The following KCNH7 variants were observed in gnomAD, a reference collection of about 807,000 sequenced individuals.
KCNH7 encodes the protein voltage-gated inwardly rectifying potassium channel KCNH7.
In KCNH7, 49 loss-of-function variants were observed where a neutral mutation model predicts 120.8. The observed-to-expected ratio is 0.41, with a 90% CI of 0.32 to 0.51. The LOEUF is 0.51. Among genes scored for constraint, KCNH7 ranks in the 20% least tolerant of loss-of-function variants. The pLI, the probability that KCNH7 is intolerant of heterozygous loss-of-function variation, is 0.38. For synonymous variants in KCNH7, 547 were observed against 516.1 expected (o/e 1.06, Z -0.81); for missense variants, 1,097 against 1,446.6 (o/e 0.76, Z 3.92).
In KCNH7 at chr2:162,423,459, G is replaced by A. The variant is rs752309565; in HGVS notation, c.2031C>T (p.His677=). ...ACTCTTTTACTCGCAGCATCTGCAT[G>A]TGGTACCTGGCAGTTCCCGAGTATA... is the stretch of plus-strand genomic sequence containing the variant. ...QRLYSGTARY[H]MQMLRVKEFI... The change falls in exon 9 of 16, where the codon CAC becomes CAT. Residue 677 remains histidine (H), a synonymous_variant. Coordinates refer to ENST00000332142, the MANE Select transcript of KCNH7 (RefSeq NM_033272.4). The A allele has an allele frequency of 2.5e-6, 4 of 1,613,964 alleles. No individual in the cohort carries two copies. Among genetic ancestry groups the A allele is most frequent in the East Asian group, 2.2e-5 (1 of 44,888 alleles).
chr2:162,829,847 C>CTT (rs1271827396), intron 2 of KCNH7, among the ~76,000 whole-genome samples: 1 of 109,336 alleles, frequency 9.1e-6, no homozygotes. Context: ...TTAACTTTAT[C>CTT]TGTTTTTTTT....
chr2:162,591,972 T>C (rs778189583), intron 2 of KCNH7, among the ~76,000 whole-genome samples: 10 of 152,278 alleles, frequency 6.6e-5, no homozygotes, highest in Middle Eastern at 3.4e-3. Context: ...AGACTTTAAA[T>C]GTTGAAGTAA....
intron 2 of KCNH7, among the ~76,000 whole-genome samples, chr2:162,615,435 G>A (rs1336825079): frequency 6.6e-6 from 1 of 152,122 alleles, no homozygotes; most frequent in Non-Finnish European, 1.5e-5. Context: ...TTGGTCAAGG[G>A]ATTCAATTAA....
chr2:162,619,134 T>G (rs1429886797), intron 2 of KCNH7, among the ~76,000 whole-genome samples: 1 of 152,054 alleles, frequency 6.6e-6, no homozygotes, highest in East Asian at 1.9e-4. Context: ...CAATTGTGTG[T>G]CAGAGCTGTG....
chr2:162,642,616 T>C (rs1367491267), intron 2 of KCNH7, among the ~76,000 whole-genome samples: 2 of 152,238 alleles, frequency 1.3e-5, no homozygotes, highest in African/African-American at 4.8e-5. Flanking sequence ...GGACCATTTC[T>C]GCTGTTATAG....
chr2:162,617,935 T>C (rs1019229169), intron 2 of KCNH7, among the ~76,000 whole-genome samples: 3 of 152,208 alleles, frequency 2.0e-5, no homozygotes, highest in South Asian at 2.1e-4. Flanking sequence ...TGAATACTTA[T>C]GATTTTGGGG....
chr2:162,471,247 TA>T (rs79162616), intron 6 of KCNH7, among the ~76,000 whole-genome samples: 23,428 of 131,944 alleles, frequency 0.18, 2,434 homozygotes, highest in African/African-American at 0.33. Context: ...ATCAATAAAT[TA>T]AAAAAAAAAA....
intron 14 of KCNH7, among the ~76,000 whole-genome samples, chr2:162,377,663 G>A (rs1404728023): frequency 6.6e-6 from 1 of 152,074 alleles, no homozygotes; most frequent in African/African-American, 2.4e-5. Context: ...CTTTGTGATA[G>A]TTTTTGTTAT....
At chr2:162,791,424 T>A (rs1426217746) in intron 2 of KCNH7, among the ~76,000 whole-genome samples, 1 of 152,142 alleles carries the variant, frequency 6.6e-6, no homozygotes, top group Non-Finnish European at 1.5e-5. Context: ...GAGCACAAAA[T>A]GTTTTTCTAT....
chr2:162,573,435 T>C (rs1693563953), intron 2 of KCNH7, among the ~76,000 whole-genome samples: 1 of 151,980 alleles, frequency 6.6e-6, no homozygotes, highest in Non-Finnish European at 1.5e-5. Context: ...AATAGCATAA[T>C]TAAAATAAAC....
rs191706641 is a variant in KCNH7, at chr2:162,755,374, A to G, written c.307+81163T>C. ...GTAATCCTAGCTACTTGGGAGGCTGAGGCAGGAAAATCACTTGAACCCAGG... is the reference window on the plus strand; with the variant it reads ...GTAATCCTAGCTACTTGGGAGGCTGGGGCAGGAAAATCACTTGAACCCAGG... On this transcript the variant is annotated intron_variant, in intron 2 of 15. Transcript: ENST00000332142. Among the ~76,000 whole-genome samples, 19 of 152,246 alleles carry G rather than the reference A, an allele frequency of 1.2e-4. 1 individual carries two copies. The East Asian group carries it at 3.3e-3, about 26-fold the overall frequency.
At chr2:162,823,792 C>T (rs1685195615) in intron 2 of KCNH7, among the ~76,000 whole-genome samples, 1 of 152,068 alleles carries the variant, frequency 6.6e-6, no homozygotes, top group South Asian at 2.1e-4. Flanking sequence ...AAAGAGCAGG[C>T]TTCATCTTCA....
At chr2:162,696,306 T>C (rs529216720) in intron 2 of KCNH7, among the ~76,000 whole-genome samples, 3 of 152,306 alleles carry the variant, frequency 2.0e-5, no homozygotes, top group Non-Finnish European at 4.4e-5. Flanking sequence ...TTTTTAGTAA[T>C]TATGTTGGAA....
At chr2:162,659,281 TG>T in intron 2 of KCNH7, among the ~76,000 whole-genome samples, 1 of 152,200 alleles carries the variant, frequency 6.6e-6, no homozygotes, top group South Asian at 2.1e-4. Flanking sequence ...GATTTTCAAA[TG>T]TTAAAGTAGC....
intron 2 of KCNH7, among the ~76,000 whole-genome samples, chr2:162,811,315 A>G (rs78144950): frequency 2.8e-4 from 43 of 152,282 alleles, no homozygotes; most frequent in African/African-American, 9.9e-4. Flanking sequence ...TGTATTTGAA[A>G]ATATTATAAA....
intron 2 of KCNH7, among the ~76,000 whole-genome samples, chr2:162,767,786 T>C (rs541863786): frequency 6.6e-6 from 1 of 152,294 alleles, no homozygotes; most frequent in South Asian, 2.1e-4. Flanking sequence ...ACACTTTTAA[T>C]AACCAATAGG....
At chr2:162,769,357 C>T (rs1471274820) in intron 2 of KCNH7, among the ~76,000 whole-genome samples, 1 of 152,144 alleles carries the variant, frequency 6.6e-6, no homozygotes, top group African/African-American at 2.4e-5. Flanking sequence ...GTATACCTTT[C>T]CAAATACTAA....
intron 2 of KCNH7, among the ~76,000 whole-genome samples, chr2:162,584,882 T>A (rs1199850332): frequency 1.3e-5 from 2 of 150,540 alleles, no homozygotes; most frequent in African/African-American, 4.9e-5. Context: ...CAAGTCACTT[T>A]CCCTGATTCA....
At chr2:162,628,084 A>G (rs1009243376) in intron 2 of KCNH7, among the ~76,000 whole-genome samples, 1 of 152,168 alleles carries the variant, frequency 6.6e-6, no homozygotes, top group African/African-American at 2.4e-5. Flanking sequence ...GAATCTTTTC[A>G]TGAGAGTATT....
Sources: allele counts gnomAD v4.1 joint callset (sites outside exome capture counted in the v4.1 genomes callset), GRCh38; gene constraint gnomAD v4.1.1; transcripts MANE v1.5; gene names NCBI Gene and HGNC (gene_info 2026-07-23, HGNC 2026-07-21).